The following ANKS1B variants were observed in gnomAD, a reference collection of about 807,000 sequenced individuals.
ANKS1B encodes the protein ankyrin repeat and sterile alpha motif domain containing 1B.
A neutral mutation model predicts 148.3 loss-of-function variants in ANKS1B; 36 were observed. That is an observed-to-expected ratio of 0.24 (90% CI 0.19 to 0.32). ANKS1B has a LOEUF of 0.32. Among genes scored for constraint, ANKS1B ranks in the 10% least tolerant of loss-of-function variants. ANKS1B has a pLI of 1.00. For synonymous variants in ANKS1B, 542 were observed against 560.8 expected (o/e 0.97, Z 0.47); for missense variants, 1,157 against 1,542.6 (o/e 0.75, Z 4.19).
chr12:99,579,655 C>A (rs1319378784), intron 9 of ANKS1B, among the ~76,000 whole-genome samples: 1 of 152,036 alleles, frequency 6.6e-6, no homozygotes, highest in Non-Finnish European at 1.5e-5. Flanking sequence ...TGAAATACAA[C>A]CTCATATCAG....
intron 14 of ANKS1B, among the ~76,000 whole-genome samples, chr12:99,172,542 C>G (rs2077894614): frequency 6.6e-6 from 1 of 152,188 alleles, no homozygotes; most frequent in South Asian, 2.1e-4. Flanking sequence ...GGTTCAACAG[C>G]TGACTGGACT....
intron 17 of ANKS1B, chr12:98,893,430 T>C (rs565731530): frequency 1.3e-4 from 20 of 152,320 alleles, no homozygotes; most frequent in Non-Finnish European, 2.5e-4. Flanking sequence ...TTTTCTAATC[T>C]TTCCTCTCTT....
chr12:99,418,360 A>G (rs936005622), intron 11 of ANKS1B, among the ~76,000 whole-genome samples: 3 of 152,300 alleles, frequency 2.0e-5, no homozygotes, highest in Middle Eastern at 3.4e-3. Flanking sequence ...TTTATATCTA[A>G]TTATTATTTT....
rs1332383642 is a variant in ANKS1B, at chr12:98,947,881, C to G, written c.2778+105276G>C. 2.0e-5 allele frequency among the ~76,000 whole-genome samples: 3 copies of G among 152,128 alleles called. No homozygotes were observed. In the East Asian group the frequency reaches 5.8e-4, roughly 29 times the overall value. Reference sequence around the variant, plus strand: ...CATCTGTACATGGGATATTTTGACTCCAATTTTCCTGATGCATCATCCTAA... The same window carrying G: ...CATCTGTACATGGGATATTTTGACTGCAATTTTCCTGATGCATCATCCTAA... On this transcript the variant is annotated intron_variant, in intron 17 of 26. Coordinates refer to ENST00000683438, the MANE Select transcript of ANKS1B (RefSeq NM_001352186.2).
intron 9 of ANKS1B, among the ~76,000 whole-genome samples, chr12:99,621,161 A>C (rs2098043591): frequency 6.6e-6 from 1 of 152,138 alleles, no homozygotes; most frequent in South Asian, 2.1e-4. Context: ...CTTCATAAGC[A>C]AAAAAGAAAT....
At chr12:99,097,602 T>G (rs978312199) in intron 15 of ANKS1B, 3 of 152,208 alleles carry the variant, frequency 2.0e-5, no homozygotes, top group Non-Finnish European at 4.4e-5. Flanking sequence ...ATACAGTTCT[T>G]CATAATCATG....
chr12:99,619,255 C>T (rs1222281488), intron 9 of ANKS1B, among the ~76,000 whole-genome samples: 1 of 151,956 alleles, frequency 6.6e-6, no homozygotes, highest in Non-Finnish European at 1.5e-5. Context: ...AGGCAGATTT[C>T]CAGGTATTCA....
chr12:98,755,375 A>T (rs1158062989), intron 25 of ANKS1B, among the ~76,000 whole-genome samples: 3 of 152,250 alleles, frequency 2.0e-5, no homozygotes, highest in Non-Finnish European at 2.9e-5. Flanking sequence ...TGAAGAGCCC[A>T]TGGTGACACC....
At chr12:98,972,450 C>T (rs1048796611) in intron 17 of ANKS1B, among the ~76,000 whole-genome samples, 2 of 152,092 alleles carry the variant, frequency 1.3e-5, no homozygotes, top group African/African-American at 2.4e-5. Flanking sequence ...TCTCTTAACA[C>T]CATGGTAAGG....
rs115986714 is a variant in ANKS1B, at chr12:99,705,205, C to T, written c.1129-49995G>A. Among the ~76,000 whole-genome samples the T allele has an allele frequency of 7.4e-3, 1,123 of 152,158 alleles. 16 individuals carry two copies. Among genetic ancestry groups the T allele is most frequent in the African/African-American group, 0.025 (1,052 of 41,516 alleles). On this transcript the variant is annotated intron_variant, in intron 8 of 26. Coordinates refer to ENST00000683438, the MANE Select transcript of ANKS1B (RefSeq NM_001352186.2). ...CTCACTCTATAGCCTGGTGACTATCCGTCCCTCAATCTTGCAAAACACTGA... is the reference window on the plus strand; with the variant it reads ...CTCACTCTATAGCCTGGTGACTATCTGTCCCTCAATCTTGCAAAACACTGA...
At chr12:99,092,951 AG>A (rs1296180298) in intron 15 of ANKS1B, among the ~76,000 whole-genome samples, 2 of 152,176 alleles carry the variant, frequency 1.3e-5, no homozygotes, top group African/African-American at 4.8e-5. Flanking sequence ...TATGGAGTCA[AG>A]TTCACAAGAT....
At chr12:98,787,650 TG>T (rs2098807878) in intron 22 of ANKS1B, among the ~76,000 whole-genome samples, 1 of 152,104 alleles carries the variant, frequency 6.6e-6, no homozygotes, top group African/African-American at 2.4e-5. Flanking sequence ...CTGGGCGTGG[TG>T]GTTCTCGCCT....
chr12:99,947,999 A>C (rs1002085619), intron 1 of ANKS1B, among the ~76,000 whole-genome samples: 1 of 152,186 alleles, frequency 6.6e-6, no homozygotes, highest in Non-Finnish European at 1.5e-5. Flanking sequence ...AATCTGTTCA[A>C]AGGCCCATGT....
At chr12:99,319,595 A>T (rs1206015784) in intron 12 of ANKS1B, among the ~76,000 whole-genome samples, 2 of 152,252 alleles carry the variant, frequency 1.3e-5, no homozygotes, top group Non-Finnish European at 1.5e-5. Context: ...GGGTTTCCTG[A>T]ATACAGCACA....
chr12:99,855,149 T>G (rs535442591), intron 1 of ANKS1B, among the ~76,000 whole-genome samples: 1 of 152,248 alleles, frequency 6.6e-6, no homozygotes, highest in East Asian at 1.9e-4. Flanking sequence ...ATCTGCTGTC[T>G]TCAAGAGACT....
intron 17 of ANKS1B, among the ~76,000 whole-genome samples, chr12:98,983,940 A>G (rs1440363177): frequency 6.6e-6 from 1 of 152,206 alleles, no homozygotes; most frequent in Middle Eastern, 3.2e-3. Context: ...TGCTTCTCGC[A>G]GTAGAATTTG....
At chr12:99,248,082 A>T (rs2074095557) in intron 12 of ANKS1B, among the ~76,000 whole-genome samples, 1 of 152,182 alleles carries the variant, frequency 6.6e-6, no homozygotes, top group African/African-American at 2.4e-5. Context: ...ACCCATAACA[A>T]TCCTATGAAG....
At chr12:98,882,907 A>T (rs1200606272) in intron 17 of ANKS1B, among the ~76,000 whole-genome samples, 1 of 152,206 alleles carries the variant, frequency 6.6e-6, no homozygotes, top group Admixed American at 6.5e-5. Flanking sequence ...CCATGCAGTA[A>T]TGAAAACTGT....
intron 15 of ANKS1B, among the ~76,000 whole-genome samples, chr12:99,108,727 T>C (rs1365006340): frequency 1.3e-5 from 2 of 151,988 alleles, no homozygotes; most frequent in African/African-American, 4.8e-5. Flanking sequence ...AAACAGAGTT[T>C]AGAACAGAGA....
Sources: allele counts gnomAD v4.1 joint callset (sites outside exome capture counted in the v4.1 genomes callset), GRCh38; gene constraint gnomAD v4.1.1; transcripts MANE v1.5; gene names NCBI Gene and HGNC (gene_info 2026-07-23, HGNC 2026-07-21).